Variants in NOL4 observed in about 807,000 individuals in gnomAD.
The protein encoded by NOL4 is nucleolar protein 4, also known as cancer/testis antigen 125.
In NOL4, 17 loss-of-function variants were observed where a neutral mutation model predicts 75.9. The observed-to-expected ratio is 0.22, with a 90% CI of 0.15 to 0.34. NOL4 has a LOEUF of 0.34. NOL4 is among the 10% of genes least tolerant of loss of function. The pLI is 1.00. For missense variants in NOL4, 614 were observed against 793.5 expected, an observed-to-expected ratio of 0.77 and a Z score of 2.72; for synonymous variants, 292 against 289.9, an observed-to-expected ratio of 1.01 and a Z score of -0.07.
At chr18:34,066,036 T>A (rs1049318268) in intron 5 of NOL4, among the ~76,000 whole-genome samples, 2 of 151,946 alleles carry the variant, frequency 1.3e-5, no homozygotes, top group Non-Finnish European at 2.9e-5. Flanking sequence ...TTGGGGATTG[T>A]TAATCTCAAA....
At chr18:34,024,181 GAAAAAAAAA>G (rs200128545) in intron 5 of NOL4, among the ~76,000 whole-genome samples, 4 of 86,964 alleles carry the variant, frequency 4.6e-5, no homozygotes, top group Non-Finnish European at 7.4e-5. Context: ...AAATAAACAG[GAAAAAAAAA>G]AAAAATATAT....
At chr18:33,946,144 A>C (rs141202703) in intron 8 of NOL4, among the ~76,000 whole-genome samples, 1 of 151,888 alleles carries the variant, frequency 6.6e-6, no homozygotes, top group Non-Finnish European at 1.5e-5. Context: ...AGCTCATTGG[A>C]GAAAAAGGCA....
At chr18:33,978,747 C>A (rs2071704915) in intron 6 of NOL4, among the ~76,000 whole-genome samples, 1 of 151,880 alleles carries the variant, frequency 6.6e-6, no homozygotes, top group Non-Finnish European at 1.5e-5. Context: ...GACTTTAAAT[C>A]ATCTCTAGTA....
intron 5 of NOL4, among the ~76,000 whole-genome samples, chr18:34,085,729 T>C (rs1340550957): frequency 6.6e-6 from 1 of 152,134 alleles, no homozygotes; most frequent in Non-Finnish European, 1.5e-5. Flanking sequence ...TAAATAACAT[T>C]CCCTAGATAT....
chr18:33,910,900 C>T (rs555194541), intron 9 of NOL4, among the ~76,000 whole-genome samples: 21 of 152,184 alleles, frequency 1.4e-4, no homozygotes, highest in Non-Finnish European at 2.6e-4. Flanking sequence ...TAATATTTCC[C>T]GGTACACCTA....
At chr18:33,887,791 T>C (rs2064849060) in intron 9 of NOL4, among the ~76,000 whole-genome samples, 1 of 152,204 alleles carries the variant, frequency 6.6e-6, no homozygotes, top group African/African-American at 2.4e-5. Context: ...GGTGTATATG[T>C]GCCACATTTT....
chr18:33,888,074 A>C (rs2064871314), intron 9 of NOL4, among the ~76,000 whole-genome samples: 1 of 152,154 alleles, frequency 6.6e-6, no homozygotes, highest in Non-Finnish European at 1.5e-5. Context: ...CATCCTCTCC[A>C]GCACCTTTTG....
At chr18:34,074,080 A>G (rs1224277999) in intron 5 of NOL4, among the ~76,000 whole-genome samples, 1 of 151,874 alleles carries the variant, frequency 6.6e-6, no homozygotes, top group African/African-American at 2.4e-5. Context: ...AAAATATTTG[A>G]AGTAATTACT....
At chr18:34,150,575 A>G (rs1022556165) in intron 1 of NOL4, among the ~76,000 whole-genome samples, 1 of 151,742 alleles carries the variant, frequency 6.6e-6, no homozygotes, top group African/African-American at 2.4e-5. Context: ...CATTGTTCAA[A>G]AAGAAAACTG....
chr18:34,092,918 C>T (rs978663563), intron 5 of NOL4, among the ~76,000 whole-genome samples: 1 of 152,054 alleles, frequency 6.6e-6, no homozygotes. Flanking sequence ...TTTCATGAAC[C>T]CAGGAATAAG....
intron 2 of NOL4, among the ~76,000 whole-genome samples, chr18:34,105,644 A>G (rs1310445683): frequency 6.6e-6 from 1 of 152,044 alleles, no homozygotes; most frequent in Non-Finnish European, 1.5e-5. Context: ...AAGTGAGAAT[A>G]AAAAATAAAT....
chr18:34,028,998 C>T (rs946248147), intron 5 of NOL4, among the ~76,000 whole-genome samples: 2 of 151,922 alleles, frequency 1.3e-5, no homozygotes, highest in African/African-American at 2.4e-5. Flanking sequence ...TTTTTCCATC[C>T]TTCTATTGAG....
chr18:33,878,063 C>T (rs2064036551), intron 10 of NOL4, among the ~76,000 whole-genome samples: 1 of 151,972 alleles, frequency 6.6e-6, no homozygotes, highest in Non-Finnish European at 1.5e-5. Context: ...AATGAAAGCC[C>T]ATAGAAGGTT....
chr18:34,213,792 G>C (rs2036682418), intron 1 of NOL4, among the ~76,000 whole-genome samples: 1 of 152,044 alleles, frequency 6.6e-6, no homozygotes, highest in Admixed American at 6.6e-5. Flanking sequence ...TAACCATTCT[G>C]TTATAACAAC....
intron 1 of NOL4, chr18:34,221,163 G>A (rs2037272304): frequency 6.6e-6 from 1 of 152,074 alleles, no homozygotes; most frequent in Admixed American, 6.5e-5. Flanking sequence ...CTATCTGACA[G>A]TTAGAGGGAC....
intron 1 of NOL4, among the ~76,000 whole-genome samples, chr18:34,167,964 C>G (rs1304039665): frequency 6.6e-6 from 1 of 152,028 alleles, no homozygotes; most frequent in Non-Finnish European, 1.5e-5. Context: ...GTTATCTAAG[C>G]TTCTATTGAA....
At chr18:34,177,879 G>A (rs79247525) in intron 1 of NOL4, among the ~76,000 whole-genome samples, 3,103 of 151,942 alleles carry the variant, frequency 0.02, 51 homozygotes, top group East Asian at 0.062. Flanking sequence ...AGCTTGAAAT[G>A]AAGAAAACTA....
chr18:34,057,300 G>T (rs911579048), intron 5 of NOL4, among the ~76,000 whole-genome samples: 2 of 152,014 alleles, frequency 1.3e-5, no homozygotes, highest in Non-Finnish European at 2.9e-5. Flanking sequence ...GTACACTCAC[G>T]AGCACACATA....
At chr18:34,160,209 G>T (rs2031248970) in intron 1 of NOL4, among the ~76,000 whole-genome samples, 1 of 152,098 alleles carries the variant, frequency 6.6e-6, no homozygotes, top group Non-Finnish European at 1.5e-5. Flanking sequence ...AAAAGGCAAA[G>T]AAACAACTTT....
Sources: gnomAD v4.1 joint callset for allele counts (sites outside exome capture counted in the v4.1 genomes callset) on GRCh38, gnomAD v4.1.1 for gene constraint, MANE v1.5 for transcripts, NCBI Gene and HGNC (gene_info 2026-07-23, HGNC 2026-07-21) for gene names.